Variants in ATP6V0A1 observed in about 807,000 individuals in gnomAD.
The protein encoded by ATP6V0A1 is V-type proton ATPase 116 kDa subunit a 1.
A neutral mutation model predicts 105.4 loss-of-function variants in ATP6V0A1; 43 were observed. That is an observed-to-expected ratio of 0.41 (90% CI 0.32 to 0.53). The LOEUF (loss-of-function observed/expected upper bound fraction) is 0.53. ATP6V0A1 is among the 20% of genes least tolerant of loss of function. ATP6V0A1 has a pLI of 0.30. For synonymous variants in ATP6V0A1, 362 were observed against 372.8 expected (o/e 0.97, Z 0.33); for missense variants, 676 against 1,051.1 (o/e 0.64, Z 4.93).
rs866583446 is a variant in ATP6V0A1 at position 42,481,855 on chromosome 17, T to A, written c.716+1106T>A. On this transcript the variant is annotated intron_variant, in intron 8 of 21. Coordinates refer to ENST00000343619, the MANE Select transcript of ATP6V0A1 (RefSeq NM_001130021.3). ...AATTCTGCCTTAGGGACAGATCTTTTTTTTGAGACAGAGTCTTGCGCTGCC... is the reference window on the plus strand; with the variant it reads ...AATTCTGCCTTAGGGACAGATCTTTATTTTGAGACAGAGTCTTGCGCTGCC... Among the ~76,000 whole-genome samples the A allele has an allele frequency of 7.9e-5, 12 of 152,284 alleles. 1 individual carries two copies. In the Middle Eastern group the frequency reaches 0.01, roughly 129 times the overall value.
chr17:42,504,289 T>C (rs958780803), intron 17 of ATP6V0A1, among the ~76,000 whole-genome samples: 3 of 152,258 alleles, frequency 2.0e-5, no homozygotes, highest in African/African-American at 7.2e-5. Context: ...AATTTTTCTT[T>C]TCTTTTTTCT....
intron 3 of ATP6V0A1, 89 bp from the exon 4 acceptor site, chr17:42,467,921 C>T: frequency 3.3e-6 from 2 of 600,272 alleles, no homozygotes; most frequent in South Asian, 3.6e-5. Flanking sequence ...TTTTTGTAAC[C>T]AGGTCTTAGA....
At position 42,521,647 on chromosome 17, in the gene ATP6V0A1, C is replaced by T. The variant is rs1338204381; in HGVS notation, c.*527C>T. ...GATGATATTTGCGTCTTTTGCCCAC[C>T]CCCCTGGCATTCAGCTGGACCCAAC... is the stretch of plus-strand genomic sequence containing the variant. On this transcript the variant is annotated 3_prime_UTR_variant, in exon 22 of 22. Transcript: ENST00000343619. This position sits in a 1 kb window ranked among gnomAD's most constrained non-coding sequence, Gnocchi z 4.8. The T allele has an allele frequency of 6.6e-6, 1 of 152,284 alleles. No individual in the cohort carries two copies. The highest frequency in any genetic ancestry group is 1.5e-5 in the Non-Finnish European group (1 of 68,080). 9.4% of individuals were successfully genotyped at this position (152,284 alleles called of 1,614,324 possible).
At position 42,514,276 on chromosome 17, in the gene ATP6V0A1, T is replaced by C; in HGVS notation, c.2249-13T>C. 6.4e-7 allele frequency: 1 copy of C among 1,564,280 alleles called. No homozygotes were observed. Among genetic ancestry groups the C allele is most frequent in the Non-Finnish European group, 8.7e-7 (1 of 1,155,050 alleles). The stretch of plus-strand genomic sequence containing the variant: ...GCCAAACTGCACTGGATTTTGTGTC[T>C]CCCATTCCCCAGAGCTGTCTGAGGT... On this transcript the variant is annotated splice_polypyrimidine_tract_variant and intron_variant, in intron 20 of 21. Transcript: ENST00000343619.
intron 17 of ATP6V0A1, among the ~76,000 whole-genome samples, chr17:42,503,514 G>C (rs2091835779): frequency 6.6e-6 from 1 of 152,122 alleles, no homozygotes; most frequent in African/African-American, 2.4e-5. Flanking sequence ...ACTAATTCAA[G>C]ATTCAGTAAC....
intron 4 of ATP6V0A1, among the ~76,000 whole-genome samples, chr17:42,469,831 G>C (rs1304260150): frequency 6.6e-6 from 1 of 152,038 alleles, no homozygotes; most frequent in Non-Finnish European, 1.5e-5. Flanking sequence ...TAGTAGAGAC[G>C]TGGTTTCACC....
At chr17:42,504,887 C>G (rs923107263) in intron 17 of ATP6V0A1, among the ~76,000 whole-genome samples, 1 of 152,186 alleles carries the variant, frequency 6.6e-6, no homozygotes, top group African/African-American at 2.4e-5. Context: ...ATCTGCCTGT[C>G]TTCTATTGAT....
chr17:42,483,706 C>A (rs1488883382), intron 9 of ATP6V0A1, among the ~76,000 whole-genome samples: 1 of 152,148 alleles, frequency 6.6e-6, no homozygotes, highest in African/African-American at 2.4e-5. Flanking sequence ...CTCATCCTCC[C>A]AAGTAGCTGG....
At chr17:42,520,466 T>C (rs2092795818) in intron 21 of ATP6V0A1, 1 of 456,482 alleles carries the variant, frequency 2.2e-6, no homozygotes, top group African/African-American at 2.0e-5. Context: ...CTCAGATGTT[T>C]TTGTGGTTGG....
intron 13 of ATP6V0A1, among the ~76,000 whole-genome samples, 158 bp from the exon 14 acceptor site, chr17:42,495,468 C>G (rs2091066533): frequency 6.6e-6 from 1 of 151,984 alleles, no homozygotes; most frequent in Non-Finnish European, 1.5e-5. Flanking sequence ...TTTTGGATCC[C>G]TCAGTCTCAG....
chr17:42,475,403 A>G (rs2088595840), intron 5 of ATP6V0A1, among the ~76,000 whole-genome samples: 1 of 152,252 alleles, frequency 6.6e-6, no homozygotes, highest in East Asian at 1.9e-4. Flanking sequence ...TTGTTATTAG[A>G]GAACCCAGAT....
Position 42,466,527 on chromosome 17 carries a change from G to C in ATP6V0A1, c.196+20G>C, listed in dbSNP as rs1439497466. 1 of 1,592,710 alleles carries C rather than the reference G, an allele frequency of 6.3e-7. No individual in the cohort carries two copies. The highest frequency in any genetic ancestry group is 1.3e-5 in the African/African-American group (1 of 74,518). The stretch of plus-strand genomic sequence containing the variant: ...AGCTTCGTATGTGCACTTTGGTCTT[G>C]TGTAATGTTCCTTTAATGAATCATT... On this transcript the variant is annotated intron_variant, in intron 3 of 21. Transcript: ENST00000343619.
chr17:42,514,468 G>C lies in ATP6V0A1; in HGVS notation c.2420+8G>C, dbSNP rs756004387. On this transcript the variant is annotated splice_region_variant and intron_variant, in intron 21 of 21. Transcript: ENST00000343619. ...CGCACTGCGCTTACACTGGTGAGGG[G>C]CAGTGGGGCAGGGCGGGCATGGGGG... 1.4e-5 allele frequency: 22 copies of C among 1,578,808 alleles called. No homozygotes were observed. In the South Asian group the frequency reaches 2.3e-4, roughly 17 times the overall value.
chr17:42,508,752 A>C (rs1375134378), intron 19 of ATP6V0A1, among the ~76,000 whole-genome samples, 163 bp downstream of exon 19: 2 of 152,150 alleles, frequency 1.3e-5, no homozygotes, highest in Non-Finnish European at 2.9e-5. Context: ...CTGTGTTCTA[A>C]AAAGCTCATC....
intron 9 of ATP6V0A1, among the ~76,000 whole-genome samples, chr17:42,485,466 G>C (rs936861146): frequency 1.3e-5 from 2 of 152,212 alleles, no homozygotes; most frequent in African/African-American, 4.8e-5. Context: ...TGAGGAAAGA[G>C]AACGGCAAAT....
At chr17:42,507,290 C>G (rs2092088863) in intron 17 of ATP6V0A1, 2 of 455,880 alleles carry the variant, frequency 4.4e-6, no homozygotes, top group Non-Finnish European at 8.0e-6. Flanking sequence ...CTGCATATTT[C>G]CTCTGAAGCA....
In ATP6V0A1 at chr17:42,513,895, T is replaced by C; in HGVS notation, c.2165T>C (p.Ile722Thr). The C allele has an allele frequency of 6.2e-7, 1 of 1,614,190 alleles. No individual in the cohort carries two copies. The highest frequency in any genetic ancestry group is 8.5e-7 in the Non-Finnish European group (1 of 1,180,014). The change falls in exon 20 of 22, where the codon ATC (isoleucine) becomes ACC (threonine). Residue 722 changes from isoleucine to threonine, a missense_variant. This residue lies in a region of ATP6V0A1 where 435 missense variants were observed against 642.2 expected (regional missense o/e 0.68). Coordinates refer to ENST00000343619, the MANE Select transcript of ATP6V0A1 (RefSeq NM_001130021.3). ...DFGDTMVHQAIHTIEYCLGCI... is the reference protein window; with the variant it reads ...DFGDTMVHQATHTIEYCLGCI... ...GGGGACACCATGGTCCACCAGGCCA[T>C]CCACACCATCGAGTACTGCCTGGGC... is the stretch of plus-strand genomic sequence containing the variant.
At chr17:42,465,953 A>C (rs1478174762) in intron 2 of ATP6V0A1, among the ~76,000 whole-genome samples, 1 of 152,098 alleles carries the variant, frequency 6.6e-6, no homozygotes, top group Non-Finnish European at 1.5e-5. Context: ...TGACAGAGCA[A>C]GACTCTGTCT....
chr17:42,488,048 A>C (rs73297646), intron 10 of ATP6V0A1, among the ~76,000 whole-genome samples: 1 of 152,336 alleles, frequency 6.6e-6, no homozygotes, highest in African/African-American at 2.4e-5. Context: ...AATTAGAACA[A>C]CTACTCTGTC....
Sources: allele counts gnomAD v4.1 joint callset (sites outside exome capture counted in the v4.1 genomes callset), GRCh38; gene constraint gnomAD v4.1.1; regional missense constraint gnomAD v4.1.1; non-coding constraint Gnocchi (gnomAD v3.1); transcripts MANE v1.5; gene names NCBI Gene and HGNC (gene_info 2026-07-23, HGNC 2026-07-21).